The following ZNF7 variants were observed in gnomAD, a reference collection of about 807,000 sequenced individuals.
The protein encoded by ZNF7 is C2-H2 type zinc finger protein.
In ZNF7, 10 loss-of-function variants were observed where a neutral mutation model predicts 12.0. The ratio of observed to expected loss-of-function variants is 0.83; its 90% CI spans 0.51 to 1.42. The LOEUF is 1.42. ZNF7 is among the 40% of genes most tolerant of loss of function. The pLI is 0.00. For missense variants in ZNF7, 854 were observed against 837.2 expected (o/e 1.02, Z -0.25); for synonymous variants, 334 against 295.0 (o/e 1.13, Z -1.35).
intron 4 of ZNF7, 183 bp from the exon 5 acceptor site, chr8:144,841,172 A>G: frequency 1.5e-6 from 1 of 654,676 alleles, no homozygotes; most frequent in East Asian, 2.6e-5. Flanking sequence ...ACAAGGTAAA[A>G]AGTATGAAAC....
chr8:144,845,851 G>A, downstream of ZNF7: 1 of 851,222 alleles, frequency 1.2e-6, no homozygotes, highest in Non-Finnish European at 1.8e-6. Context: ...TGCACGTGGA[G>A]TATGTGTGCA....
chr8:144,827,789 C>A, intron 1 of ZNF7, 180 bp downstream of exon 1: 1 of 679,922 alleles, frequency 1.5e-6, no homozygotes, highest in Non-Finnish European at 1.8e-6. Flanking sequence ...CGAGCCCAGC[C>A]ACCCTCCCCC....
downstream of ZNF7, chr8:144,846,377 G>A (rs1830511965): frequency 1.7e-6 from 1 of 582,232 alleles, no homozygotes. Context: ...TAAGAGACTT[G>A]TGACATTTGA....
intron 4 of ZNF7, among the ~76,000 whole-genome samples, chr8:144,839,833 G>GC (rs1469744117): frequency 2.0e-5 from 3 of 152,220 alleles, no homozygotes; most frequent in Admixed American, 1.3e-4. Flanking sequence ...TCCCAGCTGT[G>GC]CACCCCCACG....
In ZNF7 at chr8:144,842,545, C is replaced by G; in HGVS notation, c.1438C>G (p.Gln480Glu). 1 of 1,614,162 alleles carries G rather than the reference C, an allele frequency of 6.2e-7. No homozygotes were observed. The highest frequency in any genetic ancestry group is 8.5e-7 in the Non-Finnish European group (1 of 1,180,012). ...KCDECGKGFV[Q>E]GSHLIQHQRI... ...TGATGAGTGTGGCAAAGGCTTTGTTCAGGGCTCACACCTTATTCAGCATCA... is the reference window on the plus strand; with the variant it reads ...TGATGAGTGTGGCAAAGGCTTTGTTGAGGGCTCACACCTTATTCAGCATCA... Residue 480 changes from glutamine (Q) to glutamate (E), a missense_variant, in exon 5 of 5, where the codon CAG (glutamine) becomes GAG (glutamate). Coordinates refer to ENST00000532777, the MANE Select transcript of ZNF7 (RefSeq NM_003416.4).
chr8:144,835,238 CT>C (rs1828862026), intron 3 of ZNF7: 1 of 148,104 alleles, frequency 6.8e-6, no homozygotes, highest in Non-Finnish European at 1.5e-5. Flanking sequence ...GGGTTTTGCT[CT>C]GTTGTCCAGC....
In ZNF7 at chr8:144,843,404, A is replaced by AT. The variant is rs780796625; in HGVS notation, c.*236_*237insT. On this transcript the variant is annotated 3_prime_UTR_variant, in exon 5 of 5. Coordinates refer to ENST00000532777, the MANE Select transcript of ZNF7 (RefSeq NM_003416.4). ...GGAGGTTGAGACCATCCTGGGTAAC[A>AT]GGTGAAACCCCATCTCTACTAAAAA... is the stretch of plus-strand genomic sequence containing the variant. The AT allele has an allele frequency of 1.0e-4, 43 of 417,692 alleles. No homozygotes were observed. The highest frequency in any genetic ancestry group is 6.3e-4 in the Middle Eastern group (1 of 1,594). The allele number at this position is 417,692 out of a possible 1,614,324, so 25.9% of individuals were successfully genotyped here.
intron 4 of ZNF7, among the ~76,000 whole-genome samples, chr8:144,840,580 A>AGAGGT (rs1233927336): frequency 1.3e-5 from 2 of 152,206 alleles, no homozygotes; most frequent in African/African-American, 4.8e-5. Flanking sequence ...TGACCTCAGC[A>AGAGGT]GAGGTGCCCT....
chr8:144,844,061 A>C (rs768820830), downstream of ZNF7, among the ~76,000 whole-genome samples: 11 of 152,196 alleles, frequency 7.2e-5, no homozygotes, highest in Non-Finnish European at 1.3e-4. Flanking sequence ...CCAGGCACAG[A>C]AGCAAGGTGT....
chr8:144,835,106 A>C (rs1199494291), intron 3 of ZNF7: 1 of 152,072 alleles, frequency 6.6e-6, no homozygotes, highest in Non-Finnish European at 1.5e-5. Context: ...CATTTGGCAT[A>C]CAAGTAGAAC....
intron 4 of ZNF7, among the ~76,000 whole-genome samples, chr8:144,839,484 A>G (rs1829570042): frequency 6.6e-6 from 1 of 152,220 alleles, no homozygotes. Flanking sequence ...CATGGACAGG[A>G]GCGTTTAAAG....
At chr8:144,846,331 G>A (rs141421605), downstream of ZNF7, 205 of 707,440 alleles carry the variant, frequency 2.9e-4, no homozygotes, top group African/African-American at 3.1e-3. Flanking sequence ...CAAACCATTC[G>A]TAGCTTTTTA....
downstream of ZNF7, among the ~76,000 whole-genome samples, chr8:144,844,393 G>T (rs1381038817): frequency 6.6e-6 from 1 of 152,118 alleles, no homozygotes; most frequent in Non-Finnish European, 1.5e-5. Context: ...ACGCGGTGAG[G>T]AGGAAATAAA....
At chr8:144,828,196 CGAAGACTCT>C (rs1828013178) in intron 1 of ZNF7, 1 of 152,290 alleles carries the variant, frequency 6.6e-6, no homozygotes, top group Non-Finnish European at 1.5e-5. Flanking sequence ...AGCTGCCATA[CGAAGACTCT>C]TTTTCCCATT....
chr8:144,842,162 A>T lies in ZNF7; in HGVS notation c.1055A>T (p.His352Leu). 1 of 1,614,152 alleles carries T rather than the reference A, an allele frequency of 6.2e-7. No individual in the cohort carries two copies. The highest frequency in any genetic ancestry group is 8.5e-7 in the Non-Finnish European group (1 of 1,180,002). The change falls in exon 5 of 5, where the codon CAC (histidine) becomes CTC (leucine). Residue 352 changes from histidine to leucine, a missense_variant. His to Leu is a moderately conservative substitution (Grantham distance 99). Coordinates refer to ENST00000532777, the MANE Select transcript of ZNF7 (RefSeq NM_003416.4). ...AFSQQSQLVRHQRTHTGERPY... is the reference protein window; with the variant it reads ...AFSQQSQLVRLQRTHTGERPY... ...AGCCAGCAGTCGCAGCTGGTTAGAC[A>T]CCAGAGAACTCACACTGGGGAGAGG...
chr8:144,837,257 C>A, intron 3 of ZNF7, 134 bp from the exon 4 acceptor site: 1 of 653,972 alleles, frequency 1.5e-6, no homozygotes, highest in Non-Finnish European at 2.6e-6. Flanking sequence ...CCTCCACCCA[C>A]TCTCCCTGCA....
downstream of ZNF7, among the ~76,000 whole-genome samples, chr8:144,845,329 G>C (rs80329884): frequency 6.6e-6 from 1 of 152,044 alleles, no homozygotes; most frequent in Non-Finnish European, 1.5e-5. Flanking sequence ...TGAGAAACTC[G>C]GAGGTGAGGA....
In ZNF7 at chr8:144,831,764, C is replaced by G. The variant is rs542333014; in HGVS notation, c.130+2160C>G. On this transcript the variant is annotated intron_variant, in intron 3 of 4. Transcript: ENST00000532777. ...CACCACTGCAATCCGGCCTGGGCAA[C>G]AGAGCGAGACTCCATCTAAAAAAAA... Among the ~76,000 whole-genome samples the G allele has an allele frequency of 5.2e-4, 42 of 80,044 alleles. 10 individuals carry two copies. Among genetic ancestry groups the G allele is most frequent in the African/African-American group, 1.7e-3 (42 of 24,646 alleles). 52.5% of individuals were successfully genotyped at this position (80,044 alleles called of 152,430 possible).
intron 3 of ZNF7, chr8:144,830,126 A>AG (rs140692029): frequency 0.043 from 6,554 of 152,564 alleles, 458 homozygotes; most frequent in African/African-American, 0.15. Context: ...CAACTTGGTG[A>AG]GGGGGGGTGC....
Sources: allele counts gnomAD v4.1 joint callset (sites outside exome capture counted in the v4.1 genomes callset), GRCh38; gene constraint gnomAD v4.1.1; transcripts MANE v1.5; gene names NCBI Gene and HGNC (gene_info 2026-07-23, HGNC 2026-07-21).